ELMO1: variants seen among roughly 807,000 people sequenced by gnomAD.
ELMO1 encodes the protein engulfment and cell motility 1.
In ELMO1, 26 loss-of-function variants were observed where a neutral mutation model predicts 98.9. That is an observed-to-expected ratio of 0.26 (90% confidence interval 0.19 to 0.36). ELMO1 has a LOEUF of 0.36. ELMO1 is among the 10% of genes least tolerant of loss of function. The probability of loss-of-function intolerance (pLI) is 1.00; values close to 1 mark genes in which losing one functional copy is unlikely to be tolerated. For synonymous variants in ELMO1, 346 were observed against 346.0 expected, an observed-to-expected ratio of 1.00 and a Z score of 0.00; for missense variants, 627 against 935.2, an observed-to-expected ratio of 0.67 and a Z score of 4.30.
At chr7:37,327,219 T>C (rs564990932) in intron 2 of ELMO1, among the ~76,000 whole-genome samples, 1 of 152,376 alleles carries the variant, frequency 6.6e-6, no homozygotes, top group Non-Finnish European at 1.5e-5. Context: ...AAATGAATGA[T>C]TCACAGGGAG....
At chr7:37,337,391 G>C (rs1241466777) in intron 2 of ELMO1, among the ~76,000 whole-genome samples, 1 of 152,114 alleles carries the variant, frequency 6.6e-6, no homozygotes, top group Admixed American at 6.5e-5. Flanking sequence ...TAAGGGAAGG[G>C]GGGAGGGATA....
At chr7:36,899,857 C>T (rs572795397) in intron 16 of ELMO1, among the ~76,000 whole-genome samples, 30 of 151,808 alleles carry the variant, frequency 2.0e-4, no homozygotes, top group African/African-American at 6.3e-4. Flanking sequence ...AGTAATAATA[C>T]GAAATTCACA....
intron 15 of ELMO1, among the ~76,000 whole-genome samples, chr7:37,039,778 ATTG>A (rs1235459490): frequency 1.3e-5 from 2 of 152,202 alleles, no homozygotes; most frequent in African/African-American, 4.8e-5. Flanking sequence ...GATAAATAAA[ATTG>A]TTGGTTTTAT....
intron 4 of ELMO1, among the ~76,000 whole-genome samples, chr7:37,280,929 T>G (rs972318246): frequency 6.9e-6 from 1 of 145,044 alleles, no homozygotes; most frequent in African/African-American, 2.6e-5. Flanking sequence ...CAATTCACAA[T>G]AGCAAAATCA....
At chr7:36,957,335 C>T (rs1290555865) in intron 16 of ELMO1, among the ~76,000 whole-genome samples, 9 of 152,156 alleles carry the variant, frequency 5.9e-5, no homozygotes, top group African/African-American at 1.9e-4. Flanking sequence ...TTTCTGCTTC[C>T]AGACCACCGC....
chr7:37,199,625 G>A (rs576010918), intron 13 of ELMO1, among the ~76,000 whole-genome samples: 11 of 152,216 alleles, frequency 7.2e-5, no homozygotes, highest in South Asian at 6.2e-4. Context: ...TATCCCATAC[G>A]AAAGTCACCA....
At chr7:36,898,010 C>G (rs4723591) in intron 16 of ELMO1, among the ~76,000 whole-genome samples, 132,747 of 152,262 alleles carry the variant, frequency 0.87, 57,995 homozygotes, top group East Asian at 1. Flanking sequence ...AGTTTTGTTG[C>G]CAACAGCCCT....
intron 2 of ELMO1, among the ~76,000 whole-genome samples, chr7:37,322,007 G>T (rs926137357): frequency 2.0e-5 from 3 of 151,436 alleles, no homozygotes; most frequent in Non-Finnish European, 4.4e-5. Flanking sequence ...CTACAGGCAC[G>T]CACCACCACA....
intron 1 of ELMO1, among the ~76,000 whole-genome samples, chr7:37,404,919 A>G (rs1803691542): frequency 6.6e-6 from 1 of 152,056 alleles, no homozygotes; most frequent in Non-Finnish European, 1.5e-5. Context: ...TGTTCCCCCC[A>G]TTTTTAATTT....
At chr7:37,391,067 C>CCTCCCTCT (rs900586080) in intron 1 of ELMO1, among the ~76,000 whole-genome samples, 7 of 150,158 alleles carry the variant, frequency 4.7e-5, no homozygotes, top group Non-Finnish European at 8.9e-5. Flanking sequence ...TTCCTCCCTC[C>CCTCCCTCT]CTCCCTCTCT....
chr7:37,390,177 G>A (rs1355110596), intron 1 of ELMO1, among the ~76,000 whole-genome samples: 1 of 152,240 alleles, frequency 6.6e-6, no homozygotes, highest in East Asian at 1.9e-4. Flanking sequence ...TTTAGACCTG[G>A]TGCCTCCACC....
chr7:37,104,855 A>C (rs1784854670), intron 14 of ELMO1, among the ~76,000 whole-genome samples: 1 of 152,214 alleles, frequency 6.6e-6, no homozygotes, highest in Non-Finnish European at 1.5e-5. Flanking sequence ...TGGTGGAAAA[A>C]AAAAAAGAAA....
intron 14 of ELMO1, among the ~76,000 whole-genome samples, chr7:37,128,005 C>A (rs1397196683): frequency 6.6e-6 from 1 of 152,042 alleles, no homozygotes; most frequent in Non-Finnish European, 1.5e-5. Flanking sequence ...CCAGCCTGGC[C>A]AACACGGCGA....
Position 37,013,299 on chromosome 7 carries a change from C to T in ELMO1, c.1437G>A (p.Lys479=). 1 of 1,614,036 alleles carries T rather than the reference C, an allele frequency of 6.2e-7. No individual in the cohort carries two copies. Among genetic ancestry groups the T allele is most frequent in the Non-Finnish European group, 8.5e-7 (1 of 1,179,958 alleles). ...EMRATSEDFN[K]VMQVVKEQVM... ...TGCCTCTATCCGAGATCCACATTACCTTGTTGAAGTCTTCAGAAGTTGCCC... is the reference window on the plus strand; with the variant it reads ...TGCCTCTATCCGAGATCCACATTACTTTGTTGAAGTCTTCAGAAGTTGCCC... The change falls in exon 16 of 22, where the codon AAG becomes AAA. Residue 479 remains lysine (K), a splice_region_variant and synonymous_variant. Transcript: ENST00000310758.
intron 16 of ELMO1, among the ~76,000 whole-genome samples, chr7:36,914,274 G>A (rs1478319510): frequency 1.3e-5 from 2 of 152,158 alleles, no homozygotes; most frequent in Non-Finnish European, 2.9e-5. Flanking sequence ...CATCAACTTA[G>A]TATTGTTTGT....
chr7:37,378,361 C>T (rs1802443877), intron 1 of ELMO1, among the ~76,000 whole-genome samples: 1 of 152,198 alleles, frequency 6.6e-6, no homozygotes, highest in Non-Finnish European at 1.5e-5. Flanking sequence ...CTGAAACCTG[C>T]ACCAGGAAAA....
At chr7:37,015,474 C>T (rs772341546) in intron 15 of ELMO1, among the ~76,000 whole-genome samples, 18 of 151,884 alleles carry the variant, frequency 1.2e-4, no homozygotes, top group East Asian at 3.9e-4. Context: ...GGTGGCATGC[C>T]GCTGTAGTCC....
chr7:37,381,965 AT>A (rs1356122222), intron 1 of ELMO1, among the ~76,000 whole-genome samples: 7 of 152,198 alleles, frequency 4.6e-5, no homozygotes, highest in African/African-American at 1.7e-4. Flanking sequence ...AAGAAAAAAA[AT>A]TATATAGTAG....
chr7:36,909,264 T>C (rs1228025582), intron 16 of ELMO1, among the ~76,000 whole-genome samples: 3 of 152,210 alleles, frequency 2.0e-5, no homozygotes, highest in Non-Finnish European at 4.4e-5. Context: ...AAGAAAGGTG[T>C]TTATTATAAA....
Sources: allele counts gnomAD v4.1 joint callset (sites outside exome capture counted in the v4.1 genomes callset), GRCh38; gene constraint gnomAD v4.1.1; transcripts MANE v1.5; gene names NCBI Gene and HGNC (gene_info 2026-07-23, HGNC 2026-07-21).